The following ADAMTS3 variants were observed in gnomAD, a reference collection of about 807,000 sequenced individuals.
ADAMTS3 encodes A disintegrin and metalloproteinase with thrombospondin motifs 3.
A neutral mutation model predicts 129.0 loss-of-function variants in ADAMTS3; 73 were observed. The observed-to-expected ratio is 0.57, with a 90% confidence interval of 0.47 to 0.69. ADAMTS3 has a LOEUF of 0.69. ADAMTS3 is among the 30% of genes least tolerant of loss of function. The pLI, the probability that ADAMTS3 is intolerant of heterozygous loss-of-function variation, is 0.00. For missense variants in ADAMTS3, 1,457 were observed against 1,514.5 expected (o/e 0.96, Z 0.63); for synonymous variants, 477 against 510.8 (o/e 0.93, Z 0.89).
chr4:72,417,931 T>TTAAAAAAAAAAAAAAAAAAAAAAAAA (rs76545577), intron 3 of ADAMTS3, among the ~76,000 whole-genome samples: 1 of 100,680 alleles, frequency 9.9e-6, no homozygotes, highest in African/African-American at 3.7e-5. Flanking sequence ...AGACTCCATC[T>TTAAAAAAAAAAAAAAAAAAAAAAAAA]CAAAAAAAAA....
chr4:72,506,593 C>T (rs187068161), intron 3 of ADAMTS3, among the ~76,000 whole-genome samples: 13 of 152,330 alleles, frequency 8.5e-5, no homozygotes, highest in Admixed American at 7.8e-4. Context: ...CTCAGTCCCA[C>T]ATCTAGGGAA....
intron 2 of ADAMTS3, among the ~76,000 whole-genome samples, chr4:72,556,987 A>T (rs1721783827): frequency 6.6e-6 from 1 of 151,698 alleles, no homozygotes; most frequent in African/African-American, 2.4e-5. Flanking sequence ...AGGGCCTAAA[A>T]TCCAATCTGG....
chr4:72,352,198 C>T (rs116540452), intron 4 of ADAMTS3, among the ~76,000 whole-genome samples: 1 of 151,996 alleles, frequency 6.6e-6, no homozygotes, highest in Admixed American at 6.6e-5. Context: ...AGTGAGAACA[C>T]TTTACCACGT....
At chr4:72,565,902 T>C (rs1467172468) in intron 2 of ADAMTS3, among the ~76,000 whole-genome samples, 1 of 152,198 alleles carries the variant, frequency 6.6e-6, no homozygotes, top group Non-Finnish European at 1.5e-5. Flanking sequence ...TTTATGAAAT[T>C]TTTTGGTGGA....
At chr4:72,351,683 A>G (rs1431716661) in intron 4 of ADAMTS3, among the ~76,000 whole-genome samples, 1 of 150,528 alleles carries the variant, frequency 6.6e-6, no homozygotes, top group Non-Finnish European at 1.5e-5. Context: ...GTAGCAAAGA[A>G]AAAAAAAAGT....
Position 72,569,121 on chromosome 4 carries a change from A to G in ADAMTS3, c.-359T>C, listed in dbSNP as rs1310573457. On this transcript the variant is annotated 5_prime_UTR_variant, in exon 1 of 22. It removes an upstream start codon present in the reference 5' UTR. Coordinates refer to ENST00000286657, the MANE Select transcript of ADAMTS3 (RefSeq NM_014243.3). ...GCTTTTTCGAGGCTTTTCGAGCACC[A>G]TTGGTCCCTAAGGTTAGCGCGGAGA... 6.6e-6 allele frequency: 2 copies of G among 301,408 alleles called. No homozygotes were observed. The highest frequency in any genetic ancestry group is 4.3e-5 in the African/African-American group (2 of 46,738). The allele number at this position is 301,408 out of a possible 1,614,324, so 18.7% of individuals were successfully genotyped here.
intron 4 of ADAMTS3, among the ~76,000 whole-genome samples, chr4:72,380,548 T>C (rs1328757300): frequency 2.0e-5 from 3 of 152,188 alleles, no homozygotes; most frequent in African/African-American, 4.8e-5. Flanking sequence ...TCATCTAACA[T>C]GCAGGTTTCA....
At chr4:72,560,988 A>C (rs937441065) in intron 2 of ADAMTS3, among the ~76,000 whole-genome samples, 2 of 152,266 alleles carry the variant, frequency 1.3e-5, no homozygotes, top group South Asian at 4.2e-4. Flanking sequence ...TGTGCTCCTG[A>C]CCACTTGATA....
chr4:72,507,296 C>A (rs1322643140), intron 3 of ADAMTS3, among the ~76,000 whole-genome samples: 1 of 152,068 alleles, frequency 6.6e-6, no homozygotes, highest in Non-Finnish European at 1.5e-5. Flanking sequence ...CGGAGGGCAA[C>A]CCCTGCTGAG....
intron 4 of ADAMTS3, among the ~76,000 whole-genome samples, chr4:72,404,569 A>T (rs1183967980): frequency 6.6e-6 from 1 of 151,994 alleles, no homozygotes; most frequent in African/African-American, 2.4e-5. Context: ...AGAAAGCAAA[A>T]AAACTTCGTG....
intron 19 of ADAMTS3, among the ~76,000 whole-genome samples, chr4:72,293,267 A>G (rs1354701375): frequency 6.6e-6 from 1 of 152,164 alleles, no homozygotes; most frequent in African/African-American, 2.4e-5. Flanking sequence ...TGAAAGCAGG[A>G]TAACTAATGA....
At chr4:72,515,972 C>A (rs1720461558) in intron 3 of ADAMTS3, among the ~76,000 whole-genome samples, 1 of 152,158 alleles carries the variant, frequency 6.6e-6, no homozygotes. Flanking sequence ...GGTTTTAGGT[C>A]TAACATGTAA....
intron 3 of ADAMTS3, among the ~76,000 whole-genome samples, chr4:72,490,529 C>T (rs1004864271): frequency 6.6e-6 from 1 of 151,808 alleles, no homozygotes; most frequent in African/African-American, 2.4e-5. Context: ...ATTTTGCATG[C>T]ATTGTAAGAT....
chr4:72,425,371 A>G (rs969293101), intron 3 of ADAMTS3, among the ~76,000 whole-genome samples: 1 of 152,100 alleles, frequency 6.6e-6, no homozygotes, highest in Non-Finnish European at 1.5e-5. Flanking sequence ...TTTAGGGTAC[A>G]TGTGCACAAT....
At chr4:72,488,627 A>G (rs1477945419) in intron 3 of ADAMTS3, among the ~76,000 whole-genome samples, 1 of 151,892 alleles carries the variant, frequency 6.6e-6, no homozygotes, top group Non-Finnish European at 1.5e-5. Flanking sequence ...TTCAAGATAG[A>G]TTACTTTATT....
In ADAMTS3 at chr4:72,283,175, G is replaced by T; in HGVS notation, c.3579C>A (p.Asp1193Glu). The T allele has an allele frequency of 6.2e-7, 1 of 1,613,432 alleles. No individual in the cohort carries two copies. The highest frequency in any genetic ancestry group is 8.5e-7 in the Non-Finnish European group (1 of 1,179,624). Residue 1193 changes from aspartate (D) to glutamate (E), a missense_variant, in exon 22 of 22, where the codon GAC becomes GAA. Coordinates refer to ENST00000286657, the MANE Select transcript of ADAMTS3 (RefSeq NM_014243.3). ...RTSKKDGKII[D>E]NRRPTRSSTL... ...TGGATGATCTTGTCGGACGTCTGTT[G>T]TCAATGATCTTTCCATCTTTCTTTG...
intron 2 of ADAMTS3, among the ~76,000 whole-genome samples, chr4:72,564,426 G>A (rs1721975652): frequency 1.3e-5 from 2 of 152,094 alleles, no homozygotes; most frequent in Non-Finnish European, 1.5e-5. Context: ...AGTCAGAAAT[G>A]ACAGTGCTCC....
chr4:72,569,000 G>C lies in ADAMTS3; in HGVS notation c.-238C>G. ...TCTCACCCCGTCCTCCCAACACAGA[G>C]TGTGCAGGAGCGAGAAGGTGCTGTA... On this transcript the variant is annotated 5_prime_UTR_variant, in exon 1 of 22. Transcript: ENST00000286657. 1.8e-6 allele frequency: 1 copy of C among 566,540 alleles called. No individual in the cohort carries two copies. The highest frequency in any genetic ancestry group is 1.9e-5 in the African/African-American group (1 of 53,352). The allele number at this position is 566,540 out of a possible 1,614,324, so 35.1% of individuals were successfully genotyped here.
At chr4:72,376,022 A>G (rs1270095121) in intron 4 of ADAMTS3, among the ~76,000 whole-genome samples, 1 of 152,242 alleles carries the variant, frequency 6.6e-6, no homozygotes, top group Non-Finnish European at 1.5e-5. Context: ...GTAGCAGTAC[A>G]GATATAGGGA....
Sources: gnomAD v4.1 joint callset for allele counts (sites outside exome capture counted in the v4.1 genomes callset) on GRCh38, gnomAD v4.1.1 for gene constraint, MANE v1.5 for transcripts, NCBI Gene and HGNC (gene_info 2026-07-23, HGNC 2026-07-21) for gene names.